The following NDUFS4 variants were observed in gnomAD, a reference collection of about 807,000 sequenced individuals.
The protein encoded by NDUFS4 is NADH dehydrogenase [ubiquinone] iron-sulfur protein 4, mitochondrial.
A neutral mutation model predicts 24.3 loss-of-function variants in NDUFS4; 28 were observed. The observed-to-expected ratio is 1.15, with a 90% confidence interval of 0.85 to 1.58. NDUFS4 has a LOEUF of 1.58. NDUFS4 is among the 40% of genes most tolerant of loss of function. NDUFS4 has a pLI of 0.00. For missense variants in NDUFS4, 223 were observed against 207.9 expected, an observed-to-expected ratio of 1.07 and a Z score of -0.45; for synonymous variants, 93 against 69.7, an observed-to-expected ratio of 1.34 and a Z score of -1.67.
intron 4 of NDUFS4, among the ~76,000 whole-genome samples, chr5:53,667,263 T>G (rs972507131): frequency 6.6e-6 from 1 of 151,868 alleles, no homozygotes; most frequent in African/African-American, 2.4e-5. Context: ...GTCAGGAGTT[T>G]GAGATCAGCC....
At chr5:53,567,595 G>A (rs1001786114) in intron 1 of NDUFS4, among the ~76,000 whole-genome samples, 1 of 151,764 alleles carries the variant, frequency 6.6e-6, no homozygotes, top group African/African-American at 2.4e-5. Context: ...TGATTCCAGT[G>A]ATTAGGAAAA....
At chr5:53,613,701 G>A (rs1437029272) in intron 2 of NDUFS4, among the ~76,000 whole-genome samples, 1 of 150,280 alleles carries the variant, frequency 6.7e-6, no homozygotes, top group Non-Finnish European at 1.5e-5. Context: ...TAAGATTGCA[G>A]CAATACTGTT....
chr5:53,577,621 A>T (rs1749427821), intron 1 of NDUFS4, among the ~76,000 whole-genome samples: 1 of 152,016 alleles, frequency 6.6e-6, no homozygotes, highest in Admixed American at 6.6e-5. Flanking sequence ...CTTGGTGATT[A>T]TATTATAGTT....
chr5:53,620,853 CG>C (rs1395205334), intron 2 of NDUFS4, among the ~76,000 whole-genome samples: 2 of 151,978 alleles, frequency 1.3e-5, no homozygotes, highest in Non-Finnish European at 1.5e-5. Flanking sequence ...ACTTTTTTAT[CG>C]CCTAGTGTAT....
chr5:53,615,554 G>A (rs1750815433), intron 2 of NDUFS4, among the ~76,000 whole-genome samples: 1 of 151,984 alleles, frequency 6.6e-6, no homozygotes, highest in Admixed American at 6.6e-5. Flanking sequence ...ATAAGATGGG[G>A]AAGTTTGAAA....
chr5:53,670,434 G>GA (rs142516156), intron 4 of NDUFS4, among the ~76,000 whole-genome samples: 76 of 147,656 alleles, frequency 5.1e-4, no homozygotes, highest in African/African-American at 1.6e-3. Context: ...GACTTAGTAT[G>GA]AAAAAAAAAA....
intron 4 of NDUFS4, among the ~76,000 whole-genome samples, chr5:53,676,760 T>TGA (rs1740481986): frequency 6.6e-6 from 1 of 152,224 alleles, no homozygotes; most frequent in Non-Finnish European, 1.5e-5. Context: ...TTTTTTGACA[T>TGA]TCTCCACATG....
intron 1 of NDUFS4, among the ~76,000 whole-genome samples, chr5:53,586,991 T>A (rs1749778790): frequency 1.3e-5 from 2 of 151,990 alleles, no homozygotes; most frequent in Admixed American, 1.3e-4. Flanking sequence ...GCCTGGCTAA[T>A]TTTTTTTGTT....
intron 2 of NDUFS4, among the ~76,000 whole-genome samples, chr5:53,640,501 T>A (rs957501304): frequency 3.3e-5 from 5 of 152,108 alleles, no homozygotes; most frequent in Non-Finnish European, 7.4e-5. Context: ...TTCAGGCTGA[T>A]TCTACTCATG....
intron 2 of NDUFS4, among the ~76,000 whole-genome samples, chr5:53,626,114 C>G (rs1355420571): frequency 6.6e-6 from 1 of 152,162 alleles, no homozygotes; most frequent in Non-Finnish European, 1.5e-5. Context: ...TCAACTCCCA[C>G]TTATGAGTGA....
chr5:53,671,245 TC>T (rs1471941573), intron 4 of NDUFS4, among the ~76,000 whole-genome samples: 1 of 152,148 alleles, frequency 6.6e-6, no homozygotes, highest in Non-Finnish European at 1.5e-5. Context: ...AAGTTCTCTT[TC>T]TCCTGCTATT....
chr5:53,580,793 TTCTC>T (rs1055976067), intron 1 of NDUFS4, among the ~76,000 whole-genome samples: 15 of 150,652 alleles, frequency 1.0e-4, no homozygotes, highest in African/African-American at 3.7e-4. Flanking sequence ...TTCTTTCTCT[TTCTC>T]TCTTTCTTTC....
chr5:53,562,126 C>G (rs1182167759), intron 1 of NDUFS4, among the ~76,000 whole-genome samples: 1 of 152,058 alleles, frequency 6.6e-6, no homozygotes, highest in Admixed American at 6.5e-5. Context: ...GCCGCAGCCT[C>G]CTGACTAGCT....
chr5:53,621,854 A>G (rs1017085448), intron 2 of NDUFS4, among the ~76,000 whole-genome samples: 9 of 151,738 alleles, frequency 5.9e-5, no homozygotes, highest in Admixed American at 5.3e-4. Context: ...GGCGTGCGCC[A>G]CCATGCCCGG....
At chr5:53,609,608 T>G (rs1441996982) in intron 2 of NDUFS4, among the ~76,000 whole-genome samples, 1 of 152,192 alleles carries the variant, frequency 6.6e-6, no homozygotes, top group East Asian at 1.9e-4. Flanking sequence ...CCTTTGAAGC[T>G]TTGAAGCCAG....
chr5:53,622,040 A>G (rs1404985300), intron 2 of NDUFS4, among the ~76,000 whole-genome samples: 2 of 152,170 alleles, frequency 1.3e-5, no homozygotes, highest in African/African-American at 2.4e-5. Flanking sequence ...TCTTTTAAAT[A>G]AATTTAGAAG....
chr5:53,633,564 T>C (rs1751469232), intron 2 of NDUFS4, among the ~76,000 whole-genome samples: 1 of 152,196 alleles, frequency 6.6e-6, no homozygotes, highest in Non-Finnish European at 1.5e-5. Context: ...AGCCTACGCA[T>C]AAAAACACAC....
At chr5:53,591,461 T>TG (rs374748766) in intron 1 of NDUFS4, among the ~76,000 whole-genome samples, 18,091 of 80,550 alleles carry the variant, frequency 0.22, 2,571 homozygotes, top group Non-Finnish European at 0.28. Context: ...TTGTTTTTTT[T>TG]GGGGGGGGGG....
intron 2 of NDUFS4, among the ~76,000 whole-genome samples, chr5:53,615,501 T>A (rs1469614133): frequency 6.6e-6 from 1 of 152,046 alleles, no homozygotes. Context: ...TCTATTCTAC[T>A]CTTCAAAATA....
Sources: allele counts gnomAD v4.1 joint callset (sites outside exome capture counted in the v4.1 genomes callset), GRCh38; gene constraint gnomAD v4.1.1; transcripts MANE v1.5; gene names NCBI Gene and HGNC (gene_info 2026-07-23, HGNC 2026-07-21).